The following MALRD1 variants were observed in gnomAD, a reference collection of about 807,000 sequenced individuals.
MALRD1 encodes the protein MAM and LDL receptor class A domain containing 1.
MALRD1 carries 247 observed loss-of-function variants against 242.1 expected under a neutral mutation model. The observed-to-expected ratio is 1.02, with a 90% CI of 0.92 to 1.13. MALRD1 has a LOEUF of 1.13. Ranked by LOEUF, MALRD1 falls within the 50% of genes most tolerant of loss-of-function variation. The pLI, the probability that MALRD1 is intolerant of heterozygous loss-of-function variation, is 0.00. For synonymous variants in MALRD1, 995 were observed against 866.6 expected, an observed-to-expected ratio of 1.15 and a Z score of -2.60; for missense variants, 2,989 against 2,533.1, an observed-to-expected ratio of 1.18 and a Z score of -3.86.
chr10:19,124,562 T>C lies in MALRD1; in HGVS notation c.835T>C (p.Trp279Arg), dbSNP rs879856455. The C allele has an allele frequency of 1.1e-5, 14 of 1,233,654 alleles. No homozygotes were observed. Among genetic ancestry groups the C allele is most frequent in the Non-Finnish European group, 1.1e-5 (11 of 988,102 alleles). 76.4% of individuals were successfully genotyped at this position (1,233,654 alleles called of 1,614,324 possible). A position where few individuals can be genotyped will look rare whatever the true frequency, so the allele number is the denominator to read the frequency against. Residue 279 changes from tryptophan to arginine, a missense_variant, in exon 7 of 40, where the codon TGG becomes CGG. By Grantham distance (101) the Trp-to-Arg change is moderately radical. Transcript: ENST00000454679. ...ACGFEFDMCE[W>R]TSEASAGQIS... The stretch of plus-strand genomic sequence containing the variant: ...TGGGTTTGAATTTGACATGTGTGAG[T>C]GGACGTCAGAAGCATCTGCTGGCCA...
At position 19,165,818 on chromosome 10, in the gene MALRD1, C is replaced by A; in HGVS notation, c.1830+8C>A. 1 of 1,231,486 alleles carries A rather than the reference C, an allele frequency of 8.1e-7. No homozygotes were observed. The highest frequency in any genetic ancestry group is 1.0e-6 in the Non-Finnish European group (1 of 987,770). 76.3% of individuals were successfully genotyped at this position (1,231,486 alleles called of 1,614,324 possible). A position where few individuals can be genotyped will look rare whatever the true frequency, so the allele number is the denominator to read the frequency against. ...TCTACTCTACCTTTTCAGGTAAGCA[C>A]ATACGAAATTAATACAACTCAACAG... On this transcript the variant is annotated splice_region_variant and intron_variant, in intron 13 of 39. Coordinates refer to ENST00000454679, the MANE Select transcript of MALRD1 (RefSeq NM_001142308.3).
Position 19,656,889 on chromosome 10 carries a change from G to A in MALRD1, c.6138-35393G>A, listed in dbSNP as rs1841179460. Among the ~76,000 whole-genome samples, 3 of 152,124 alleles carry A rather than the reference G, an allele frequency of 2.0e-5. No individual in the cohort carries two copies. In the South Asian group the frequency reaches 6.2e-4, roughly 32 times the overall value. On this transcript the variant is annotated intron_variant, in intron 36 of 39. Coordinates refer to ENST00000454679, the MANE Select transcript of MALRD1 (RefSeq NM_001142308.3). The stretch of plus-strand genomic sequence containing the variant: ...ATACCTTTATTCACTCTGCTTACAA[G>A]CACTTGCAGTTTTGTTGTGAGCTAT...
chr10:19,452,709 T>G (rs1445552411), intron 29 of MALRD1, among the ~76,000 whole-genome samples: 3 of 152,220 alleles, frequency 2.0e-5, no homozygotes, highest in African/African-American at 2.4e-5. Flanking sequence ...CAGGTCTGTG[T>G]AACATGGATG....
At chr10:19,194,413 G>C (rs1171238134) in intron 14 of MALRD1, among the ~76,000 whole-genome samples, 1 of 152,068 alleles carries the variant, frequency 6.6e-6, no homozygotes, top group Non-Finnish European at 1.5e-5. Context: ...ACAACAAAAC[G>C]TTCTCTTCTT....
chr10:19,692,502 C>A lies in MALRD1; in HGVS notation c.6262C>A (p.His2088Asn). 3 of 1,535,876 alleles carry A rather than the reference C, an allele frequency of 2.0e-6. No homozygotes were observed. The highest frequency in any genetic ancestry group is 2.4e-5 in the South Asian group (2 of 84,034). ...TATTGGATTAGCATTCCTGATGACT[C>A]ACATCACAGTTGCAGTCTTGTGTTT... ...LGIGLAFLMTHITVAVLCFLA... is the reference protein window; with the variant it reads ...LGIGLAFLMTNITVAVLCFLA... The change falls in exon 38 of 40, where the codon CAC (histidine) becomes AAC (asparagine). Residue 2088 changes from histidine (H) to asparagine (N), a missense_variant. Transcript: ENST00000454679.
intron 32 of MALRD1, among the ~76,000 whole-genome samples, chr10:19,558,594 A>T (rs1333609600): frequency 6.6e-6 from 1 of 152,160 alleles, no homozygotes; most frequent in Non-Finnish European, 1.5e-5. Context: ...CTACCAGATC[A>T]TGGTATATTA....
chr10:19,470,017 A>C (rs1836417018), intron 29 of MALRD1, among the ~76,000 whole-genome samples: 1 of 151,998 alleles, frequency 6.6e-6, no homozygotes, highest in African/African-American at 2.4e-5. Context: ...TAGTGTTGTT[A>C]TCTGGAGGCA....
chr10:19,557,414 T>C (rs1304040828), intron 32 of MALRD1, among the ~76,000 whole-genome samples: 1 of 152,136 alleles, frequency 6.6e-6, no homozygotes, highest in Non-Finnish European at 1.5e-5. Context: ...TTTTATAGTT[T>C]GCAGTTGACT....
chr10:19,611,117 A>C (rs1838875996), intron 35 of MALRD1, among the ~76,000 whole-genome samples: 1 of 151,978 alleles, frequency 6.6e-6, no homozygotes, highest in African/African-American at 2.4e-5. Flanking sequence ...CACTAGTATA[A>C]AAATTCTAAC....
intron 38 of MALRD1, among the ~76,000 whole-genome samples, chr10:19,723,605 G>A (rs1456237537): frequency 6.6e-6 from 1 of 152,080 alleles, no homozygotes; most frequent in Non-Finnish European, 1.5e-5. Context: ...AGCCGGGTGT[G>A]TTGGCATGCA....
intron 36 of MALRD1, among the ~76,000 whole-genome samples, chr10:19,690,582 T>A (rs574178537): frequency 2.0e-5 from 3 of 151,998 alleles, no homozygotes; most frequent in Non-Finnish European, 1.5e-5. Context: ...AAGAGAAAAT[T>A]TTCTATCTTT....
intron 8 of MALRD1, among the ~76,000 whole-genome samples, chr10:19,131,342 A>T (rs1194370393): frequency 6.6e-6 from 1 of 152,150 alleles, no homozygotes; most frequent in African/African-American, 2.4e-5. Context: ...TCCAGAGGAC[A>T]TTAGAACTTG....
intron 18 of MALRD1, among the ~76,000 whole-genome samples, chr10:19,232,138 A>T (rs73593853): frequency 0.055 from 8,388 of 151,574 alleles, 281 homozygotes; most frequent in Middle Eastern, 0.088. Context: ...AATAAAAATT[A>T]AAAAAAATGA....
At chr10:19,151,824 T>C (rs1424687556) in intron 11 of MALRD1, among the ~76,000 whole-genome samples, 2 of 152,220 alleles carry the variant, frequency 1.3e-5, no homozygotes, top group Non-Finnish European at 2.9e-5. Context: ...ATTGATTTTT[T>C]AAATATTAAA....
At chr10:19,204,229 G>A (rs1564464595) in intron 15 of MALRD1, 79 bp from the exon 16 acceptor site, 1 of 895,414 alleles carries the variant, frequency 1.1e-6, no homozygotes, top group Non-Finnish European at 1.7e-6. Context: ...CTTGCTCAGT[G>A]TAGGGTTAAG....
chr10:19,653,005 G>A (rs1376819927), intron 36 of MALRD1, among the ~76,000 whole-genome samples: 2 of 152,050 alleles, frequency 1.3e-5, no homozygotes, highest in Non-Finnish European at 1.5e-5. Flanking sequence ...GTCTAAGATT[G>A]AATTCAACAT....
intron 25 of MALRD1, among the ~76,000 whole-genome samples, chr10:19,350,294 G>T (rs1308975747): frequency 1.5e-4 from 16 of 109,966 alleles, no homozygotes; most frequent in African/African-American, 4.1e-4. Flanking sequence ...TTTTTGAGAT[G>T]GAGTCTCACT....
chr10:19,381,673 C>T (rs891617525), intron 26 of MALRD1, among the ~76,000 whole-genome samples: 2 of 118,576 alleles, frequency 1.7e-5, no homozygotes, highest in Non-Finnish European at 1.8e-5. Flanking sequence ...ACTAAAAATA[C>T]AAAAAAAAAA....
intron 38 of MALRD1, among the ~76,000 whole-genome samples, chr10:19,715,951 C>A (rs1834366083): frequency 6.6e-6 from 1 of 151,298 alleles, no homozygotes; most frequent in South Asian, 2.1e-4. Context: ...AAACACCTCC[C>A]AGTAGGCCCA....
Sources: allele counts gnomAD v4.1 joint callset (sites outside exome capture counted in the v4.1 genomes callset), GRCh38; gene constraint gnomAD v4.1.1; transcripts MANE v1.5; gene names NCBI Gene and HGNC (gene_info 2026-07-23, HGNC 2026-07-21).